The following TAF1 variants were observed in gnomAD, a reference collection of about 807,000 sequenced individuals.
TAF1 encodes the protein TATA-box binding protein associated factor 1.
A neutral mutation model predicts 138.5 loss-of-function variants in TAF1; 2 were observed. The observed-to-expected ratio is 0.01, with a 90% confidence interval of 0.01 to 0.05. The LOEUF (loss-of-function observed/expected upper bound fraction) is 0.05. Among genes scored for constraint, TAF1 ranks in the 10% least tolerant of loss-of-function variants. The pLI is 1.00. For synonymous variants in TAF1, 437 were observed against 503.2 expected, an observed-to-expected ratio of 0.87 and a Z score of 1.76; for missense variants, 709 against 1,478.0, an observed-to-expected ratio of 0.48 and a Z score of 8.53.
intron 13 of TAF1, among the ~76,000 whole-genome samples, chrX:71,486,186 C>T (rs1016035686): frequency 9.2e-6 from 1 of 109,251 alleles, no homozygotes; most frequent in East Asian, 2.9e-4. Flanking sequence ...TGCTGAGTGG[C>T]TGAAACTACA....
chrX:71,410,942 C>T (rs1233566905), intron 28 of TAF1, among the ~76,000 whole-genome samples: 29 of 110,386 alleles, frequency 2.6e-4, no homozygotes, highest in African/African-American at 9.2e-4. Flanking sequence ...ACCACCACAC[C>T]GGGCTAATTT....
intron 25 of TAF1, among the ~76,000 whole-genome samples, chrX:71,404,951 C>CTTTTTTTTTTTTTTTTTTTTTTTTTTTTT (rs1170234048): frequency 1.3e-5 from 1 of 74,876 alleles, no homozygotes; most frequent in African/African-American, 5.0e-5. Flanking sequence ...TTATTCCAAA[C>CTTTTTTTTTTTTTTTTTTTTTTTTTTTTT]TTTTTTTTTT....
intron 26 of TAF1, among the ~76,000 whole-genome samples, chrX:71,407,328 C>G (rs1222371520): frequency 9.3e-6 from 1 of 107,509 alleles, no homozygotes; most frequent in African/African-American, 3.4e-5. Flanking sequence ...AGTGATCCTC[C>G]TACCTCAGCC....
At chrX:71,367,961 G>A (rs952586737) in intron 2 of TAF1, 93 bp from the exon 3 acceptor site, 5 of 969,334 alleles carry the variant, frequency 5.2e-6, no homozygotes, top group Non-Finnish European at 7.2e-6. Flanking sequence ...GTGAGCCACC[G>A]CATCCAGCCT....
intron 32 of TAF1, among the ~76,000 whole-genome samples, chrX:71,438,721 G>A (rs764562947): frequency 2.7e-5 from 3 of 112,027 alleles, no homozygotes; most frequent in Non-Finnish European, 5.6e-5. Flanking sequence ...CTCTGGCCGG[G>A]GGAGGCCGAG....
At chrX:71,388,913 G>C in intron 17 of TAF1, 45 bp downstream of exon 17, 1 of 972,400 alleles carries the variant, frequency 1.0e-6, no homozygotes, top group East Asian at 3.9e-5. Context: ...GTGGTTTTTT[G>C]TTTTTTTTTT....
At chrX:71,387,524 C>T in intron 15 of TAF1, 63 bp downstream of exon 15, 1 of 1,138,334 alleles carries the variant, frequency 8.8e-7, no homozygotes, top group Non-Finnish European at 1.2e-6. Flanking sequence ...TGGGGCCGGG[C>T]ATGGCGGCTC....
chrX:71,491,028 G>A (rs1037031408), intron 13 of TAF1: 1 of 74,452 alleles, frequency 1.3e-5, no homozygotes, highest in African/African-American at 5.3e-5. Context: ...TTTTGTTGTT[G>A]TTGTTGTTGT....
At chrX:71,375,493 T>A (rs2033404055) in intron 4 of TAF1, among the ~76,000 whole-genome samples, 1 of 111,076 alleles carries the variant, frequency 9.0e-6, no homozygotes, top group African/African-American at 3.3e-5. Context: ...GCTCAAGAAA[T>A]AGTAGTTTAG....
At chrX:71,414,026 TGAG>T (rs1321464129) in intron 28 of TAF1, 9 of 106,482 alleles carry the variant, frequency 8.5e-5, no homozygotes, top group African/African-American at 3.1e-4. Context: ...GTATAACTGA[TGAG>T]GAGGCAGGTT....
At chrX:71,483,382 A>G (rs1413098949) in intron 13 of TAF1, among the ~76,000 whole-genome samples, 1 of 107,940 alleles carries the variant, frequency 9.3e-6, no homozygotes, top group Non-Finnish European at 1.9e-5. Flanking sequence ...CATCTTCAGG[A>G]TTCACTTCTA....
chrX:71,501,999 C>T (rs2039518375), intron 13 of TAF1, among the ~76,000 whole-genome samples: 1 of 111,213 alleles, frequency 9.0e-6, no homozygotes, highest in Non-Finnish European at 1.9e-5. Context: ...TGCGGTGTTA[C>T]AGCTCTTAAA....
intron 32 of TAF1, among the ~76,000 whole-genome samples, chrX:71,434,537 G>A (rs1468567896): frequency 9.0e-6 from 1 of 111,627 alleles, no homozygotes; most frequent in Non-Finnish European, 1.9e-5. Flanking sequence ...AGAATACTTA[G>A]CACTAAGATT....
chrX:71,494,280 G>A (rs957139880), intron 13 of TAF1, among the ~76,000 whole-genome samples: 21 of 109,671 alleles, frequency 1.9e-4, no homozygotes, highest in African/African-American at 6.0e-4. Flanking sequence ...AAAATTAGCC[G>A]GGCGTGGTGG....
At chrX:71,407,523 G>T in intron 26 of TAF1, 51 bp from the exon 27 acceptor site, 1 of 1,116,363 alleles carries the variant, frequency 9.0e-7, no homozygotes, top group East Asian at 3.0e-5. Flanking sequence ...TGGACAGAAT[G>T]TGGATTTTTT....
chrX:71,454,937 T>G, intron 34 of TAF1, 80 bp downstream of exon 34: 1 of 1,188,082 alleles, frequency 8.4e-7, no homozygotes. Context: ...CAAATCCGTT[T>G]ACTGAGATAC....
chrX:71,457,506 C>T (rs1027803893), intron 34 of TAF1, among the ~76,000 whole-genome samples: 1 of 112,257 alleles, frequency 8.9e-6, no homozygotes, highest in African/African-American at 3.2e-5. Context: ...TCTTGCCCTC[C>T]TGTCACAGAA....
chrX:71,509,201 A>G (rs1029340028), intron 13 of TAF1, among the ~76,000 whole-genome samples: 1 of 111,904 alleles, frequency 8.9e-6, no homozygotes, highest in Admixed American at 9.6e-5. Context: ...GTTTTAGGTA[A>G]ATTCTTCTAT....
intron 13 of TAF1, among the ~76,000 whole-genome samples, chrX:71,478,197 C>CA (rs1157977336): frequency 3.6e-5 from 4 of 109,721 alleles, no homozygotes; most frequent in Non-Finnish European, 5.7e-5. Context: ...ACAAAAAATA[C>CA]AAAAAAATTA....
Sources: gnomAD v4.1 joint callset for allele counts (sites outside exome capture counted in the v4.1 genomes callset) on GRCh38, gnomAD v4.1.1 for gene constraint, MANE v1.5 for transcripts, NCBI Gene and HGNC (gene_info 2026-07-23, HGNC 2026-07-21) for gene names.